The following DOCK7 variants were observed in gnomAD, a reference collection of about 807,000 sequenced individuals.
DOCK7 encodes the protein dedicator of cytokinesis protein 7.
DOCK7 carries 138 observed loss-of-function variants against 271.0 expected under a neutral mutation model. The observed-to-expected ratio is 0.51, with a 90% CI of 0.44 to 0.59. DOCK7 has a LOEUF of 0.59. Ranked by LOEUF, DOCK7 falls within the 20% of genes least tolerant of loss-of-function variation. The pLI, the probability that DOCK7 is intolerant of heterozygous loss-of-function variation, is 0.00. For missense variants in DOCK7, 2,066 were observed against 2,592.4 expected (o/e 0.80, Z 4.41); for synonymous variants, 823 against 876.1 (o/e 0.94, Z 1.07).
chr1:62,496,262 T>A, intron 38 of DOCK7, 77 bp downstream of exon 38: 2 of 1,568,086 alleles, frequency 1.3e-6, no homozygotes, highest in Non-Finnish European at 1.7e-6. Flanking sequence ...AAAAATCAAC[T>A]TTTGATTTAA....
chr1:62,466,264 A>T (rs1645674261), intron 48 of DOCK7, among the ~76,000 whole-genome samples: 1 of 152,200 alleles, frequency 6.6e-6, no homozygotes, highest in South Asian at 2.1e-4. Flanking sequence ...AGAAAAAAAA[A>T]TGCCACAATG....
At chr1:62,498,807 CTT>C (rs201641085) in intron 37 of DOCK7, among the ~76,000 whole-genome samples, 3 of 145,360 alleles carry the variant, frequency 2.1e-5, no homozygotes. Flanking sequence ...CCATTTCTTT[CTT>C]TTTTTTTTTT....
Position 62,476,047 on chromosome 1 carries a change from T to C in DOCK7, c.5724+20A>G, listed in dbSNP as rs1405200762. On this transcript the variant is annotated intron_variant, in intron 45 of 49. Coordinates refer to ENST00000635253, the MANE Select transcript of DOCK7 (RefSeq NM_001367561.1). ...TTTCAAAGAGATGTCTATATGTCAT[T>C]ATAGTCGAATCAACTATACCTTGTT... 2 of 1,606,402 alleles carry C rather than the reference T, an allele frequency of 1.2e-6. No individual in the cohort carries two copies. The highest frequency in any genetic ancestry group is 2.7e-5 in the African/African-American group (2 of 74,644).
intron 25 of DOCK7, among the ~76,000 whole-genome samples, chr1:62,541,641 T>A (rs555845733): frequency 8.5e-5 from 13 of 152,252 alleles, no homozygotes; most frequent in Non-Finnish European, 1.6e-4. Flanking sequence ...GTATATAATA[T>A]GAATAACATA....
At chr1:62,545,501 C>T (rs1380723946) in intron 22 of DOCK7, among the ~76,000 whole-genome samples, 1 of 152,012 alleles carries the variant, frequency 6.6e-6, no homozygotes, top group African/African-American at 2.4e-5. Flanking sequence ...AGTGATACCC[C>T]ATAATTCTAT....
At chr1:62,624,242 G>C (rs1324063992) in intron 12 of DOCK7, among the ~76,000 whole-genome samples, 1 of 152,010 alleles carries the variant, frequency 6.6e-6, no homozygotes, top group Non-Finnish European at 1.5e-5. Flanking sequence ...AAGGGGGAGG[G>C]GGGGAACGAC....
intron 7 of DOCK7, among the ~76,000 whole-genome samples, chr1:62,638,004 T>G (rs1655490574): frequency 6.6e-6 from 1 of 152,194 alleles, no homozygotes; most frequent in Non-Finnish European, 1.5e-5. Context: ...CGTGTCAACC[T>G]CTACAAAACC....
chr1:62,539,697 T>A, intron 26 of DOCK7, 39 bp from the exon 27 acceptor site: 2 of 1,611,064 alleles, frequency 1.2e-6, no homozygotes, highest in Non-Finnish European at 1.7e-6. Flanking sequence ...AATTAAAGTA[T>A]GATAGCTTAA....
chr1:62,490,412 A>G (rs1432921868), intron 41 of DOCK7, among the ~76,000 whole-genome samples: 1 of 152,098 alleles, frequency 6.6e-6, no homozygotes, highest in Non-Finnish European at 1.5e-5. Context: ...CTTTATCTTT[A>G]ATAATGGATT....
intron 4 of DOCK7, among the ~76,000 whole-genome samples, chr1:62,650,905 G>A (rs1474871078): frequency 2.6e-5 from 4 of 152,124 alleles, no homozygotes; most frequent in Admixed American, 2.6e-4. Flanking sequence ...CAGGGATCTA[G>A]AACTAGAAAT....
At chr1:62,680,707 A>C (rs1228050546) in intron 1 of DOCK7, among the ~76,000 whole-genome samples, 1 of 151,860 alleles carries the variant, frequency 6.6e-6, no homozygotes, top group Non-Finnish European at 1.5e-5. Flanking sequence ...AAACAACCCC[A>C]TCAAAAAGTG....
chr1:62,477,782 T>C lies in DOCK7; in HGVS notation c.5552A>G (p.Lys1851Arg), dbSNP rs774443302. 2 of 1,611,724 alleles carry C rather than the reference T, an allele frequency of 1.2e-6. No individual in the cohort carries two copies. Among genetic ancestry groups the C allele is most frequent in the South Asian group, 1.1e-5 (1 of 90,596 alleles). ...TTCTTGTTCATCCAAATCCCCGAAC[T>C]TGGTTCCATAAAAACCAACACGAAA... is the stretch of plus-strand genomic sequence containing the variant. ...TYFRVGFYGT[K>R]FGDLDEQEFV... The change falls in exon 44 of 50, where the codon AAG becomes AGG. Residue 1851 changes from lysine to arginine, a missense_variant. Physicochemically the swap from Lys to Arg is conservative, Grantham distance 26. Transcript: ENST00000635253.
chr1:62,468,072 G>C (rs114023274), intron 48 of DOCK7, among the ~76,000 whole-genome samples: 2,567 of 152,140 alleles, frequency 0.017, 71 homozygotes, highest in African/African-American at 0.058. Flanking sequence ...ATGATTAAAA[G>C]CATCAAGGCC....
intron 43 of DOCK7, chr1:62,479,856 T>C (rs940403670): frequency 4.0e-5 from 7 of 174,208 alleles, no homozygotes; most frequent in Admixed American, 3.9e-4. Context: ...GCTAATTTTT[T>C]GTACTTTTTG....
intron 14 of DOCK7, chr1:62,609,463 G>A (rs769220299): frequency 3.9e-5 from 6 of 152,038 alleles, no homozygotes; most frequent in Non-Finnish European, 5.9e-5. Flanking sequence ...CAATAGATGG[G>A]AATAATAATC....
chr1:62,639,388 T>A (rs931835848), intron 7 of DOCK7, among the ~76,000 whole-genome samples: 1 of 151,028 alleles, frequency 6.6e-6, no homozygotes, highest in Non-Finnish European at 1.5e-5. Context: ...AGAAAATTAG[T>A]ATCCCAATGT....
intron 28 of DOCK7, among the ~76,000 whole-genome samples, chr1:62,537,472 G>C (rs1419167470): frequency 6.6e-6 from 1 of 151,584 alleles, no homozygotes. Context: ...TGTAGTCCCA[G>C]CTACTCAGGA....
At chr1:62,658,423 G>A (rs1158736462) in intron 2 of DOCK7, among the ~76,000 whole-genome samples, 1 of 151,878 alleles carries the variant, frequency 6.6e-6, no homozygotes, top group Non-Finnish European at 1.5e-5. Context: ...TTGCACCACT[G>A]CACTCCAGTC....
intron 14 of DOCK7, among the ~76,000 whole-genome samples, chr1:62,594,920 G>C (rs1648999421): frequency 6.6e-6 from 1 of 152,106 alleles, no homozygotes; most frequent in African/African-American, 2.4e-5. Flanking sequence ...ATTAAGAGAA[G>C]TTTTGAAATA....
Sources: gnomAD v4.1 joint callset for allele counts (sites outside exome capture counted in the v4.1 genomes callset) on GRCh38, gnomAD v4.1.1 for gene constraint, MANE v1.5 for transcripts, NCBI Gene and HGNC (gene_info 2026-07-23, HGNC 2026-07-21) for gene names.